The following TRIP12 variants were observed in gnomAD, a reference collection of about 807,000 sequenced individuals.
TRIP12 encodes the protein E3 ubiquitin-protein ligase TRIP12.
TRIP12 carries 25 observed loss-of-function variants against 244.2 expected under a neutral mutation model. The ratio of observed to expected loss-of-function variants is 0.10; its 90% CI spans 0.07 to 0.14. The LOEUF is 0.14. Among genes scored for constraint, TRIP12 ranks in the 10% least tolerant of loss-of-function variants. TRIP12 has a pLI of 1.00. For missense variants in TRIP12, 1,677 were observed against 2,486.4 expected (o/e 0.67, Z 6.92); for synonymous variants, 905 against 873.1 (o/e 1.04, Z -0.64).
In TRIP12 at chr2:229,765,363, T is replaced by TA. The variant is rs2031431097; in HGVS notation, c.*2190dup. 1 of 152,212 alleles carries TA rather than the reference T, an allele frequency of 6.6e-6. No individual in the cohort carries two copies. Among genetic ancestry groups the TA allele is most frequent in the South Asian group, 2.1e-4 (1 of 4,826 alleles). The allele number at this position is 152,212 out of a possible 1,614,324, so 9.4% of individuals were successfully genotyped here. ...TATATACTTTTTCCCTCTGGTGCAA[T>TA]AAGGCCTCTGCCAAGAGAGATTACT... is the stretch of plus-strand genomic sequence containing the variant. On this transcript the variant is annotated 3_prime_UTR_variant, in exon 42 of 42. Coordinates refer to ENST00000675903, the MANE Select transcript of TRIP12 (RefSeq NM_001348323.3).
intron 1 of TRIP12, among the ~76,000 whole-genome samples, chr2:229,912,631 C>T (rs1057197289): frequency 6.6e-6 from 1 of 152,164 alleles, no homozygotes; most frequent in Admixed American, 6.5e-5. Flanking sequence ...AACTTCAACC[C>T]AGAACTGAAC....
upstream of TRIP12, chr2:229,922,145 A>C: frequency 5.5e-6 from 1 of 183,000 alleles, no homozygotes. Context: ...CTGGCGGCCC[A>C]TCACATCGCC....
chr2:229,864,045 A>AGAGAGAGAGAGAGAGT lies in TRIP12; in HGVS notation c.99-3515_99-3514insACTCTCTCTCTCTCTC, dbSNP rs1559957254. 1.5e-4 allele frequency among the ~76,000 whole-genome samples: 10 copies of AGAGAGAGAGAGAGAGT among 67,256 alleles called. No homozygotes were observed. The South Asian group carries it at 3.6e-3, about 25-fold the overall frequency. 44.1% of individuals were successfully genotyped at this position (67,256 alleles called of 152,430 possible). A position where few individuals can be genotyped will look rare whatever the true frequency, so the allele number is the denominator to read the frequency against. On this transcript the variant is annotated intron_variant, in intron 2 of 41. Coordinates refer to ENST00000675903, the MANE Select transcript of TRIP12 (RefSeq NM_001348323.3). ...GAGAGAGAGAGAGAGAGAGAGAGAG[A>AGAGAGAGAGAGAGAGT]GAGTGTGTGTGTGTGTGTGTGTGTG...
At position 229,805,346 on chromosome 2, in the gene TRIP12, T is replaced by G. The variant is rs185025037; in HGVS notation, c.2650+384A>C. On this transcript the variant is annotated intron_variant, in intron 18 of 41. Transcript: ENST00000675903. ...AAATGTCAGAAACCTGGTTTTGTTTTGTTTTGTTTTTTTAATCACAATTAT... is the reference window on the plus strand; with the variant it reads ...AAATGTCAGAAACCTGGTTTTGTTTGGTTTTGTTTTTTTAATCACAATTAT... 4.6e-5 allele frequency among the ~76,000 whole-genome samples: 7 copies of G among 152,344 alleles called. No individual in the cohort carries two copies. The East Asian group carries it at 1.3e-3, about 29-fold the overall frequency.
intron 1 of TRIP12, among the ~76,000 whole-genome samples, chr2:229,891,960 T>C (rs557561221): frequency 6.6e-6 from 1 of 152,362 alleles, no homozygotes; most frequent in Non-Finnish European, 1.5e-5. Flanking sequence ...ATCAATACTA[T>C]GGCATATTTA....
chr2:229,917,623 C>G (rs183187417), intron 1 of TRIP12, among the ~76,000 whole-genome samples: 13 of 152,002 alleles, frequency 8.6e-5, no homozygotes, highest in African/African-American at 3.1e-4. Flanking sequence ...TGATATCCAT[C>G]CAGGCACTCT....
intron 4 of TRIP12, among the ~76,000 whole-genome samples, chr2:229,848,871 G>T (rs2058097959): frequency 6.6e-6 from 1 of 152,128 alleles, no homozygotes; most frequent in Admixed American, 6.6e-5. Context: ...CACCAATCTG[G>T]CAAATAAATA....
At chr2:229,849,303 C>G (rs533246010) in intron 4 of TRIP12, among the ~76,000 whole-genome samples, 5 of 152,096 alleles carry the variant, frequency 3.3e-5, no homozygotes, top group Non-Finnish European at 7.3e-5. Context: ...TAGATGTTCA[C>G]GATACAATAA....
intron 8 of TRIP12, among the ~76,000 whole-genome samples, chr2:229,823,696 C>CA (rs1352702648): frequency 6.7e-5 from 10 of 150,180 alleles, no homozygotes; most frequent in South Asian, 6.3e-4. Flanking sequence ...ACAACAACAA[C>CA]AACAAAAAAT....
rs536962142 is a variant in TRIP12, at chr2:229,786,546, C to T, written c.4996-691G>A. ...CCAAGTAGCTGGGATTACAGGCATG[C>T]GCCACCACGCCCAGATAATTTTTTT... is the stretch of plus-strand genomic sequence containing the variant. On this transcript the variant is annotated intron_variant, in intron 33 of 41. Transcript: ENST00000675903. Among the ~76,000 whole-genome samples the T allele has an allele frequency of 1.6e-3, 243 of 147,466 alleles. 4 individuals are homozygous for T. Among genetic ancestry groups the T allele is most frequent in the South Asian group, 6.5e-4 (3 of 4,618 alleles).
chr2:229,791,995 G>A lies in TRIP12; in HGVS notation c.4286C>T (p.Pro1429Leu), dbSNP rs778058768. 11 of 1,614,034 alleles carry A rather than the reference G, an allele frequency of 6.8e-6. No homozygotes were observed. Among genetic ancestry groups the A allele is most frequent in the Admixed American group, 6.7e-5 (4 of 60,014 alleles). Residue 1429 changes from proline (P) to leucine (L), a missense_variant, in exon 29 of 42, where the codon CCG (proline) becomes CTG (leucine). Physicochemically the swap from Pro to Leu is moderately conservative, Grantham distance 98 (BLOSUM62 -3). Coordinates refer to ENST00000675903, the MANE Select transcript of TRIP12 (RefSeq NM_001348323.3). ...LQFYIGEHLL[P>L]YNMTVYQAVR... ...TGCCTGATACACAGTCATGTTATAC[G>A]GCAGCAAATGTTCTCCAATATAAAA...
chr2:229,907,868 T>C (rs1233937464), intron 1 of TRIP12, among the ~76,000 whole-genome samples: 2 of 152,296 alleles, frequency 1.3e-5, no homozygotes, highest in South Asian at 2.1e-4. Context: ...ATACCAGGCA[T>C]TGTTTTAAAT....
chr2:229,792,311 T>C lies in TRIP12; in HGVS notation c.4142-85A>G, dbSNP rs1054506504. 7 of 1,304,706 alleles carry C rather than the reference T, an allele frequency of 5.4e-6. No individual in the cohort carries two copies. The East Asian group carries it at 6.9e-5, about 13-fold the overall frequency. 80.8% of individuals were successfully genotyped at this position (1,304,706 alleles called of 1,614,324 possible). ...CCTGTATACACACTGGTTAAACATA[T>C]TCTTAGAAAACACATATAGGTTGAG... is the stretch of plus-strand genomic sequence containing the variant. On this transcript the variant is annotated intron_variant, in intron 27 of 41. Coordinates refer to ENST00000675903, the MANE Select transcript of TRIP12 (RefSeq NM_001348323.3).
intron 18 of TRIP12, among the ~76,000 whole-genome samples, chr2:229,804,912 T>G (rs559413693): frequency 2.0e-5 from 3 of 152,060 alleles, no homozygotes; most frequent in Non-Finnish European, 4.4e-5. Context: ...TTAATTAATT[T>G]ATTTATTTAT....
chr2:229,772,683 T>C (rs2034835529), intron 38 of TRIP12, among the ~76,000 whole-genome samples: 1 of 152,056 alleles, frequency 6.6e-6, no homozygotes, highest in Non-Finnish European at 1.5e-5. Flanking sequence ...AGGCTGGTCT[T>C]GAACTCCTGA....
chr2:229,863,266 A>G (rs769361159), intron 2 of TRIP12, among the ~76,000 whole-genome samples: 1 of 151,878 alleles, frequency 6.6e-6, no homozygotes, highest in Non-Finnish European at 1.5e-5. Context: ...AAAAAAATCA[A>G]CAATGCCCAC....
intron 23 of TRIP12, among the ~76,000 whole-genome samples, chr2:229,798,131 A>G (rs1315629177): frequency 1.3e-5 from 2 of 152,178 alleles, no homozygotes; most frequent in Non-Finnish European, 2.9e-5. Flanking sequence ...TTTACTTCCT[A>G]AAGTACATAC....
At chr2:229,794,966 A>G (rs2042449731) in intron 26 of TRIP12, 1 of 401,850 alleles carries the variant, frequency 2.5e-6, no homozygotes, top group East Asian at 4.2e-5. Context: ...ACTGGATTAT[A>G]TATTTATAAA....
intron 26 of TRIP12, 102 bp from the exon 27 acceptor site, chr2:229,793,247 C>T: frequency 1.8e-6 from 2 of 1,134,886 alleles, no homozygotes; most frequent in South Asian, 3.5e-5. Flanking sequence ...TTTCATAAGA[C>T]ACACTAGTAC....
Sources: allele counts gnomAD v4.1 joint callset (sites outside exome capture counted in the v4.1 genomes callset), GRCh38; gene constraint gnomAD v4.1.1; transcripts MANE v1.5; gene names NCBI Gene and HGNC (gene_info 2026-07-23, HGNC 2026-07-21).